The following MBD5 variants were observed in gnomAD, a reference collection of about 807,000 sequenced individuals.
MBD5 encodes methyl-CpG binding domain protein 5.
A neutral mutation model predicts 117.3 loss-of-function variants in MBD5; 13 were observed. The observed-to-expected ratio is 0.11, with a 90% confidence interval of 0.07 to 0.18. MBD5 has a LOEUF of 0.18. MBD5 is among the 10% of genes least tolerant of loss of function. The probability of loss-of-function intolerance (pLI) is 1.00; values close to 1 mark genes in which losing one functional copy is unlikely to be tolerated. For missense variants in MBD5, 1,879 were observed against 2,093.8 expected (o/e 0.90, Z 2.00); for synonymous variants, 727 against 766.4 (o/e 0.95, Z 0.85).
chr2:148,346,900 T>C (rs1240863856), intron 4 of MBD5: 9 of 151,918 alleles, frequency 5.9e-5, no homozygotes, highest in Admixed American at 6.6e-5. Context: ...AAAACTATTA[T>C]AGAAAGTCAG....
intron 4 of MBD5, among the ~76,000 whole-genome samples, chr2:148,369,775 C>T (rs930446390): frequency 6.6e-6 from 1 of 152,012 alleles, no homozygotes; most frequent in African/African-American, 2.4e-5. Flanking sequence ...GACTAATCTG[C>T]CTCCCTCAAG....
At chr2:148,127,615 C>A (rs1452815630) in intron 1 of MBD5, among the ~76,000 whole-genome samples, 3 of 152,118 alleles carry the variant, frequency 2.0e-5, no homozygotes, top group African/African-American at 4.8e-5. Flanking sequence ...ACCACATTTT[C>A]TTTATTTAGT....
At chr2:148,366,751 C>T (rs1190174356) in intron 4 of MBD5, among the ~76,000 whole-genome samples, 1 of 152,052 alleles carries the variant, frequency 6.6e-6, no homozygotes, top group Non-Finnish European at 1.5e-5. Flanking sequence ...AATAAAATAC[C>T]TAGGAATACA....
chr2:148,037,806 G>C (rs1465524659), intron 1 of MBD5, among the ~76,000 whole-genome samples: 1 of 151,914 alleles, frequency 6.6e-6, no homozygotes, highest in African/African-American at 2.4e-5. Flanking sequence ...AGTACTTACT[G>C]TATGCCAGTT....
Position 148,515,792 on chromosome 2 carries a change from AAGG to A in MBD5, c.*2854_*2856del. 6.6e-6 allele frequency: 1 copy of A among 152,354 alleles called. No homozygotes were observed. Among genetic ancestry groups the A allele is most frequent in the East Asian group, 1.9e-4 (1 of 5,190 alleles). The allele number at this position is 152,354 out of a possible 1,614,324, so 9.4% of individuals were successfully genotyped here. A position where few individuals can be genotyped will look rare whatever the true frequency, so the allele number is the denominator to read the frequency against. On this transcript the variant is annotated 3_prime_UTR_variant, in exon 14 of 14. Coordinates refer to ENST00000642680, the MANE Select transcript of MBD5 (RefSeq NM_001378120.1). ...GTCCCTTAACAGTCCTAGGAAGCAC[AAGG>A]AGAATAAACTAAACCTCTAAGAAGG... is the stretch of plus-strand genomic sequence containing the variant.
intron 3 of MBD5, among the ~76,000 whole-genome samples, chr2:148,233,928 T>G (rs2106154320): frequency 6.6e-6 from 1 of 152,306 alleles, no homozygotes; most frequent in East Asian, 1.9e-4. Context: ...GTGAAAATTC[T>G]GCATCAAAAT....
At chr2:148,338,357 T>A (rs1009328389) in intron 3 of MBD5, among the ~76,000 whole-genome samples, 6 of 152,058 alleles carry the variant, frequency 3.9e-5, no homozygotes, top group African/African-American at 1.4e-4. Flanking sequence ...AAAAAAAAAA[T>A]TCCCAGCCTT....
chr2:148,513,096 AT>A lies in MBD5; in HGVS notation c.*162del. On this transcript the variant is annotated 3_prime_UTR_variant, in exon 14 of 14. Transcript: ENST00000642680. ...GTGCTAAAAGAAACAGTGATACAAA[AT>A]TTTTTTGATCAGGAAGGATAATGAA... The A allele has an allele frequency of 2.6e-6, 2 of 755,212 alleles. No homozygotes were observed. Among genetic ancestry groups the A allele is most frequent in the Non-Finnish European group, 4.4e-6 (2 of 456,810 alleles). 46.8% of individuals were successfully genotyped at this position (755,212 alleles called of 1,614,324 possible). A position where few individuals can be genotyped will look rare whatever the true frequency, so the allele number is the denominator to read the frequency against.
intron 1 of MBD5, among the ~76,000 whole-genome samples, chr2:148,135,568 C>T (rs180962826): frequency 9.2e-5 from 14 of 152,198 alleles, no homozygotes; most frequent in Admixed American, 8.5e-4. Context: ...TAGGAGCCCC[C>T]TAGGTTTTAG....
intron 2 of MBD5, among the ~76,000 whole-genome samples, chr2:148,202,826 G>A (rs1030874740): frequency 1.2e-4 from 18 of 152,046 alleles, no homozygotes; most frequent in Admixed American, 2.0e-4. Flanking sequence ...TCAGGAGTTC[G>A]AGACCAACCT....
At chr2:148,083,532 A>G (rs1439620206) in intron 1 of MBD5, among the ~76,000 whole-genome samples, 1 of 152,160 alleles carries the variant, frequency 6.6e-6, no homozygotes, top group African/African-American at 2.4e-5. Flanking sequence ...CTATTAACAT[A>G]TTTTATTCAA....
rs571950419 is a variant in MBD5, at chr2:148,416,826, C to T, written c.-556-41377C>T. 2.0e-5 allele frequency among the ~76,000 whole-genome samples: 3 copies of T among 152,162 alleles called. No individual in the cohort carries two copies. The East Asian group carries it at 5.8e-4, about 29-fold the overall frequency. The stretch of plus-strand genomic sequence containing the variant: ...CTTTATACCACACTGTATGCCTTTG[C>T]ATACCAATAGCTTAGCTCCCACTTA... On this transcript the variant is annotated intron_variant, in intron 4 of 13. Coordinates refer to ENST00000642680, the MANE Select transcript of MBD5 (RefSeq NM_001378120.1).
chr2:148,508,573 C>A (rs965004731), intron 12 of MBD5, among the ~76,000 whole-genome samples: 1 of 151,934 alleles, frequency 6.6e-6, no homozygotes, highest in African/African-American at 2.4e-5. Context: ...TTCCTTCCAG[C>A]GGGGGAATAT....
chr2:148,399,163 C>A (rs867545762), intron 4 of MBD5, among the ~76,000 whole-genome samples: 1 of 152,096 alleles, frequency 6.6e-6, no homozygotes, highest in Admixed American at 6.6e-5. Flanking sequence ...TATGAACTTT[C>A]AAGTAGTTTT....
At chr2:148,143,913 A>T (rs954553728) in intron 1 of MBD5, among the ~76,000 whole-genome samples, 1 of 151,986 alleles carries the variant, frequency 6.6e-6, no homozygotes, top group Non-Finnish European at 1.5e-5. Flanking sequence ...CAATAAACAT[A>T]CGTGTGCATG....
At chr2:148,477,643 CTATTT>C (rs1681013266) in intron 8 of MBD5, among the ~76,000 whole-genome samples, 1 of 152,010 alleles carries the variant, frequency 6.6e-6, no homozygotes, top group Non-Finnish European at 1.5e-5. Flanking sequence ...AGAAAATTTA[CTATTT>C]CAATGGGATT....
At chr2:148,132,890 A>G (rs1697084302) in intron 1 of MBD5, among the ~76,000 whole-genome samples, 1 of 152,204 alleles carries the variant, frequency 6.6e-6, no homozygotes, top group Admixed American at 6.5e-5. Flanking sequence ...AGGCACATGC[A>G]TGTATTTTCA....
At chr2:148,073,774 T>G (rs1695420580) in intron 1 of MBD5, among the ~76,000 whole-genome samples, 1 of 152,112 alleles carries the variant, frequency 6.6e-6, no homozygotes, top group South Asian at 2.1e-4. Flanking sequence ...TCACCCAAGG[T>G]CACACAGCTA....
chr2:148,132,340 A>G (rs1198128802), intron 1 of MBD5, among the ~76,000 whole-genome samples: 7 of 147,474 alleles, frequency 4.7e-5, no homozygotes, highest in African/African-American at 1.7e-4. Context: ...ACATATATAT[A>G]TATATATATA....
Sources: allele counts gnomAD v4.1 joint callset (sites outside exome capture counted in the v4.1 genomes callset), GRCh38; gene constraint gnomAD v4.1.1; transcripts MANE v1.5; gene names NCBI Gene and HGNC (gene_info 2026-07-23, HGNC 2026-07-21).